HS1BP3: variants seen among roughly 807,000 people sequenced by gnomAD.
HS1BP3 encodes HCLS1-binding protein 3.
A neutral mutation model predicts 33.5 loss-of-function variants in HS1BP3; 32 were observed. The observed-to-expected ratio is 0.95, with a 90% CI of 0.72 to 1.28. HS1BP3 has a LOEUF of 1.28. HS1BP3 is among the 50% of genes most tolerant of loss of function. The probability of loss-of-function intolerance (pLI) is 0.00; values close to 1 mark genes in which losing one functional copy is unlikely to be tolerated. For missense variants in HS1BP3, 486 were observed against 502.3 expected (o/e 0.97, Z 0.31); for synonymous variants, 187 against 209.2 (o/e 0.89, Z 0.92).
chr2:20,630,760 G>A (rs1694943167), intron 4 of HS1BP3, among the ~76,000 whole-genome samples: 1 of 152,224 alleles, frequency 6.6e-6, no homozygotes, highest in South Asian at 2.1e-4. Flanking sequence ...CTTCAGAGAA[G>A]GCCAGGATGG....
intron 1 of HS1BP3, among the ~76,000 whole-genome samples, chr2:20,647,940 A>G (rs775159843): frequency 2.0e-5 from 3 of 152,192 alleles, no homozygotes; most frequent in Non-Finnish European, 2.9e-5. Context: ...ACTGCTCCAG[A>G]GACCATCGGA....
rs1381336746 is a variant in HS1BP3, at chr2:20,611,856, G to A, written c.178+12040C>T. On this transcript the variant is annotated intron_variant, in intron 2 of 3. Transcript: ENST00000415264. The surrounding 1 kb of genome is among the most constrained non-coding windows in gnomAD (Gnocchi z 4.9). ...TCAGAGAAGCTGAGAGATGGCAGAG[G>A]GTGGCACAGCCTCCTCCCGCACCTA... 1.3e-5 allele frequency among the ~76,000 whole-genome samples: 2 copies of A among 152,144 alleles called. No individual in the cohort carries two copies. The highest frequency in any genetic ancestry group is 2.9e-5 in the Non-Finnish European group (2 of 68,032).
At chr2:20,606,291 C>A in intron 2 of HS1BP3, 1 of 443,544 alleles carries the variant, frequency 2.3e-6, no homozygotes, top group South Asian at 2.0e-5. Context: ...CATGCGTCTT[C>A]ACCAGCAGCT....
chr2:20,625,123 G>A (rs1436196602), intron 4 of HS1BP3, among the ~76,000 whole-genome samples: 2 of 152,236 alleles, frequency 1.3e-5, no homozygotes, highest in Non-Finnish European at 2.9e-5. Flanking sequence ...ACGGCCAAGG[G>A]AAGGACAGGT....
chr2:20,634,314 C>T (rs928402218), intron 4 of HS1BP3, among the ~76,000 whole-genome samples: 1 of 152,244 alleles, frequency 6.6e-6, no homozygotes, highest in African/African-American at 2.4e-5. Context: ...AGAACCAACT[C>T]AAGAGCTTGT....
downstream of HS1BP3, among the ~76,000 whole-genome samples, chr2:20,560,290 G>A (rs1692958665): frequency 6.6e-6 from 1 of 152,192 alleles, no homozygotes; most frequent in African/African-American, 2.4e-5. Context: ...TGGGTGGGTA[G>A]GTGGCAGAAC....
At chr2:20,581,959 G>A (rs528167187) in intron 5 of HS1BP3, among the ~76,000 whole-genome samples, 7 of 152,308 alleles carry the variant, frequency 4.6e-5, no homozygotes, top group African/African-American at 1.7e-4. Flanking sequence ...AGAGGTACTC[G>A]ACTCAGGAAG....
intron 4 of HS1BP3, among the ~76,000 whole-genome samples, chr2:20,626,945 A>G (rs1257796751): frequency 6.6e-6 from 1 of 152,172 alleles, no homozygotes; most frequent in East Asian, 1.9e-4. Flanking sequence ...TGGGTACCAA[A>G]CAAGGGCCAT....
chr2:20,558,879 C>A (rs1692905909), downstream of HS1BP3, among the ~76,000 whole-genome samples: 1 of 152,150 alleles, frequency 6.6e-6, no homozygotes, highest in African/African-American at 2.4e-5. Context: ...GGGCTCACAT[C>A]TCAGGGGCAG....
At chr2:20,555,058 G>C in the HS1BP3 span, among the ~76,000 whole-genome samples, 2 of 152,140 alleles carry the variant, frequency 1.3e-5, no homozygotes, top group African/African-American at 4.8e-5. Flanking sequence ...ACAGGCATTA[G>C]TCTTGGGCCT....
Position 20,618,270 on chromosome 2 carries a change from G to A in HS1BP3, c.*717C>T, listed in dbSNP as rs1253416950. The A allele has an allele frequency of 1.3e-5, 2 of 152,328 alleles. No homozygotes were observed. The highest frequency in any genetic ancestry group is 6.5e-5 in the Admixed American group (1 of 15,276). The allele number at this position is 152,328 out of a possible 1,614,324, so 9.4% of individuals were successfully genotyped here. A position where few individuals can be genotyped will look rare whatever the true frequency, so the allele number is the denominator to read the frequency against. On this transcript the variant is annotated 3_prime_UTR_variant, in exon 7 of 7. Transcript: ENST00000304031. ...CTAGCAGGGCCGTCTATACCCTGGAGAGGCAGGGCCTGACTTCTCCCTTTA... is the reference window on the plus strand; with the variant it reads ...CTAGCAGGGCCGTCTATACCCTGGAAAGGCAGGGCCTGACTTCTCCCTTTA...
At chr2:20,617,271 G>A (rs1234998019), downstream of HS1BP3, among the ~76,000 whole-genome samples, 4 of 152,204 alleles carry the variant, frequency 2.6e-5, no homozygotes, top group Non-Finnish European at 4.4e-5. Context: ...AGCAAGGGAT[G>A]CAGGGCCCGG....
intron 4 of HS1BP3, among the ~76,000 whole-genome samples, chr2:20,625,265 G>A (rs540136990): frequency 3.3e-5 from 5 of 152,256 alleles, no homozygotes; most frequent in Non-Finnish European, 7.3e-5. Context: ...ACTGTCAGGA[G>A]GAGCAGGCGG....
chr2:20,649,639 T>C lies in HS1BP3; in HGVS notation c.32+1393A>G, dbSNP rs566991310. Among the ~76,000 whole-genome samples, 14 of 152,328 alleles carry C rather than the reference T, an allele frequency of 9.2e-5. 1 individual carries two copies. In the South Asian group the frequency reaches 2.7e-3, roughly 29 times the overall value. On this transcript the variant is annotated intron_variant, in intron 1 of 6. Transcript: ENST00000304031. ...CTGGCTGAATTCAAGCTTGAGTGCATGTGGCAATGACATGTGGGAGGAGAT... is the reference window on the plus strand; with the variant it reads ...CTGGCTGAATTCAAGCTTGAGTGCACGTGGCAATGACATGTGGGAGGAGAT...
intron 3 of HS1BP3, among the ~76,000 whole-genome samples, chr2:20,639,587 G>A (rs930419012): frequency 3.9e-5 from 6 of 152,198 alleles, no homozygotes; most frequent in African/African-American, 1.2e-4. Flanking sequence ...TGACGATATC[G>A]TATTATGTGA....
intron 2 of HS1BP3, among the ~76,000 whole-genome samples, chr2:20,604,774 C>G (rs567022261): frequency 6.6e-6 from 1 of 152,238 alleles, no homozygotes; most frequent in East Asian, 1.9e-4. Flanking sequence ...AAGCAGGTCG[C>G]AGAGGAGGGA....
At chr2:20,573,878 G>T (rs955743692) in intron 5 of HS1BP3, among the ~76,000 whole-genome samples, 1 of 152,192 alleles carries the variant, frequency 6.6e-6, no homozygotes, top group Non-Finnish European at 1.5e-5. Flanking sequence ...GGACAAGGAG[G>T]GCCAAGCGCT....
chr2:20,562,893 T>C (rs1693035981), intron 5 of HS1BP3, among the ~76,000 whole-genome samples: 1 of 152,162 alleles, frequency 6.6e-6, no homozygotes, highest in African/African-American at 2.4e-5. Context: ...CTATCCCTAA[T>C]ACCTATCCAC....
chr2:20,578,988 G>A (rs1304620984), intron 5 of HS1BP3, among the ~76,000 whole-genome samples: 1 of 152,188 alleles, frequency 6.6e-6, no homozygotes, highest in Non-Finnish European at 1.5e-5. Context: ...AAAGTCAGGC[G>A]GTGTCCCCTC....
Sources: allele counts gnomAD v4.1 joint callset (sites outside exome capture counted in the v4.1 genomes callset), GRCh38; gene constraint gnomAD v4.1.1; non-coding constraint Gnocchi (gnomAD v3.1); transcripts MANE v1.5; gene names NCBI Gene and HGNC (gene_info 2026-07-23, HGNC 2026-07-21).